The following NCKAP5 variants were observed in gnomAD, a reference collection of about 807,000 sequenced individuals.
NCKAP5 encodes the protein NCK associated protein 5.
Under a neutral mutation model 167.0 loss-of-function variants are expected in NCKAP5, and 92 were observed. The observed-to-expected ratio is 0.55, with a 90% CI of 0.47 to 0.66. The LOEUF (loss-of-function observed/expected upper bound fraction) is 0.66, where lower values mean the gene tolerates loss of function less well. Ranked by LOEUF, NCKAP5 falls within the 30% of genes least tolerant of loss-of-function variation. NCKAP5 has a pLI of 0.00. For missense variants in NCKAP5, 2,378 were observed against 2,315.0 expected (o/e 1.03, Z -0.56); for synonymous variants, 891 against 877.4 (o/e 1.02, Z -0.27).
chr2:132,719,782 C>G (rs6714305), intron 19 of NCKAP5, among the ~76,000 whole-genome samples: 59,305 of 152,040 alleles, frequency 0.39, 13,524 homozygotes, highest in East Asian at 0.64. Context: ...ACGATGAGAG[C>G]GGGAGAGTCC....
intron 6 of NCKAP5, among the ~76,000 whole-genome samples, chr2:133,090,997 C>T (rs548921927): frequency 7.9e-5 from 12 of 152,190 alleles, no homozygotes; most frequent in Admixed American, 4.6e-4. Context: ...ATCCCCCTTG[C>T]TGTTCTTGTG....
At chr2:133,344,992 C>T (rs1300120417) in intron 3 of NCKAP5, among the ~76,000 whole-genome samples, 1 of 152,032 alleles carries the variant, frequency 6.6e-6, no homozygotes, top group South Asian at 2.1e-4. Context: ...AGTGACTATG[C>T]CCTCAGTGCG....
At chr2:133,045,563 T>G (rs950583327) in intron 6 of NCKAP5, among the ~76,000 whole-genome samples, 2 of 151,038 alleles carry the variant, frequency 1.3e-5, no homozygotes, top group Non-Finnish European at 2.9e-5. Flanking sequence ...TTCTTTTATT[T>G]ATAGGGGATG....
chr2:132,824,768 GC>G (rs1471034601), intron 11 of NCKAP5, among the ~76,000 whole-genome samples: 3 of 152,176 alleles, frequency 2.0e-5, no homozygotes, highest in Admixed American at 6.6e-5. Flanking sequence ...CCCCCTCAGA[GC>G]TTTCATCTTG....
At chr2:133,170,254 G>A (rs1396768996) in intron 5 of NCKAP5, among the ~76,000 whole-genome samples, 1 of 152,052 alleles carries the variant, frequency 6.6e-6, no homozygotes, top group Non-Finnish European at 1.5e-5. Flanking sequence ...GGGCAGAGTG[G>A]GGGCAGATAG....
chr2:133,013,089 A>G (rs2078218090), intron 6 of NCKAP5, among the ~76,000 whole-genome samples: 1 of 152,194 alleles, frequency 6.6e-6, no homozygotes, highest in Admixed American at 6.5e-5. Flanking sequence ...TCCACTGTCT[A>G]CATTCAGGAA....
the NCKAP5 span, among the ~76,000 whole-genome samples, chr2:133,586,950 C>A: frequency 1.3e-5 from 2 of 152,126 alleles, no homozygotes; most frequent in African/African-American, 4.8e-5. Context: ...AAGAGGTCTG[C>A]AGCCAGTTCA....
At chr2:133,623,099 T>C in the NCKAP5 span, among the ~76,000 whole-genome samples, 3 of 152,098 alleles carry the variant, frequency 2.0e-5, no homozygotes, top group Non-Finnish European at 2.9e-5. Context: ...GCAAGCCAAA[T>C]GTAGAAGAAT....
At chr2:132,802,113 G>C (rs1056308673) in intron 11 of NCKAP5, among the ~76,000 whole-genome samples, 1 of 152,116 alleles carries the variant, frequency 6.6e-6, no homozygotes, top group African/African-American at 2.4e-5. Context: ...CGGCACAAAA[G>C]AGAAGTTTTA....
intron 3 of NCKAP5, among the ~76,000 whole-genome samples, chr2:133,510,327 A>T (rs1488297144): frequency 6.6e-6 from 1 of 152,160 alleles, no homozygotes; most frequent in Non-Finnish European, 1.5e-5. Flanking sequence ...GTACATGAAC[A>T]CGCCATAATC....
chr2:133,630,432 G>C, the NCKAP5 span, among the ~76,000 whole-genome samples: 1 of 152,156 alleles, frequency 6.6e-6, no homozygotes, highest in African/African-American at 2.4e-5. Flanking sequence ...AAAGCCATTG[G>C]ATGGTGCACT....
chr2:133,270,448 C>T (rs1420842332), intron 4 of NCKAP5, among the ~76,000 whole-genome samples: 2 of 152,148 alleles, frequency 1.3e-5, no homozygotes, highest in African/African-American at 4.8e-5. Flanking sequence ...AAATAAAGAT[C>T]ACCAATAGAT....
At chr2:133,415,780 T>C (rs1045842050) in intron 3 of NCKAP5, among the ~76,000 whole-genome samples, 2 of 152,242 alleles carry the variant, frequency 1.3e-5, no homozygotes, top group Non-Finnish European at 2.9e-5. Flanking sequence ...TATCAAAGTC[T>C]CTCTTTGTGA....
intron 3 of NCKAP5, among the ~76,000 whole-genome samples, chr2:133,363,763 A>G (rs1457854380): frequency 1.3e-5 from 2 of 152,126 alleles, no homozygotes. Context: ...GGATGAATGG[A>G]TAGATGGGTG....
In NCKAP5 at chr2:133,389,081, C is replaced by T. The variant is rs181523735; in HGVS notation, c.70-85971G>A. On this transcript the variant is annotated intron_variant, in intron 3 of 19. Transcript: ENST00000409261. ...CCGACAAGCCCCAGTGAGATGAACC[C>T]GGTACCTCAGTTGGAAATGCAGAAA... is the stretch of plus-strand genomic sequence containing the variant. 7.2e-4 allele frequency among the ~76,000 whole-genome samples: 109 copies of T among 152,286 alleles called. No individual in the cohort carries two copies. The East Asian group carries it at 0.014, about 19-fold the overall frequency.
chr2:133,130,073 G>A lies in NCKAP5; in HGVS notation c.246C>T (p.His82=). 6.2e-7 allele frequency: 1 copy of A among 1,612,036 alleles called. No individual in the cohort carries two copies. Among genetic ancestry groups the A allele is most frequent in the East Asian group, 2.2e-5 (1 of 44,780 alleles). ...KLIHELEEER[H]LRLQSEKRLQ... is the part of the protein sequence containing the mutation. ...ACCGCTTCTCGCTTTGAAGACGTAA[G>A]TGTCTCTCCTCTTCCAGTTCATGTA... The change falls in exon 6 of 20, where the codon CAC becomes CAT. Residue 82 remains histidine (H), a synonymous_variant. Coordinates refer to ENST00000409261, the MANE Select transcript of NCKAP5 (RefSeq NM_207363.3).
chr2:133,483,145 A>G (rs1680605754), intron 3 of NCKAP5, among the ~76,000 whole-genome samples: 1 of 152,126 alleles, frequency 6.6e-6, no homozygotes. Flanking sequence ...TTATCATTCT[A>G]TCTACTAAGT....
chr2:133,293,348 G>C (rs1679731915), intron 4 of NCKAP5, among the ~76,000 whole-genome samples: 1 of 152,132 alleles, frequency 6.6e-6, no homozygotes, highest in Admixed American at 6.5e-5. Context: ...AGAAAACCTG[G>C]ATTCAAACTC....
chr2:133,034,044 C>T (rs889394045), intron 6 of NCKAP5, among the ~76,000 whole-genome samples: 1 of 151,860 alleles, frequency 6.6e-6, no homozygotes, highest in African/African-American at 2.4e-5. Context: ...AGATTTAACC[C>T]AAAGAAGACT....
Sources: gnomAD v4.1 joint callset for allele counts (sites outside exome capture counted in the v4.1 genomes callset) on GRCh38, gnomAD v4.1.1 for gene constraint, MANE v1.5 for transcripts, NCBI Gene and HGNC (gene_info 2026-07-23, HGNC 2026-07-21) for gene names.